The following OSBPL9 variants were observed in gnomAD, a reference collection of about 807,000 sequenced individuals.
OSBPL9 encodes oxysterol-binding protein-related protein 9.
In OSBPL9, 40 loss-of-function variants were observed where a neutral mutation model predicts 106.6. The observed-to-expected ratio is 0.38, with a 90% CI of 0.29 to 0.49. The LOEUF (loss-of-function observed/expected upper bound fraction) is 0.49. Ranked by LOEUF, OSBPL9 falls within the 20% of genes least tolerant of loss-of-function variation. The pLI is 0.97. For synonymous variants in OSBPL9, 269 were observed against 295.4 expected, an observed-to-expected ratio of 0.91 and a Z score of 0.92; for missense variants, 609 against 887.2, an observed-to-expected ratio of 0.69 and a Z score of 3.98.
chr1:51,635,398 G>A (rs559777562), intron 1 of OSBPL9, among the ~76,000 whole-genome samples: 2 of 152,066 alleles, frequency 1.3e-5, no homozygotes, highest in Non-Finnish European at 2.9e-5. Flanking sequence ...TTTGCACCTC[G>A]CTGTTACTCC....
At chr1:51,555,478 G>C in the OSBPL9 span, among the ~76,000 whole-genome samples, 2 of 151,798 alleles carry the variant, frequency 1.3e-5, no homozygotes, top group African/African-American at 4.8e-5. Flanking sequence ...CAACAAAAAA[G>C]GTTCTCTCCT....
intron 9 of OSBPL9, among the ~76,000 whole-genome samples, chr1:51,757,559 C>CA (rs1670605392): frequency 6.6e-6 from 1 of 151,542 alleles, no homozygotes; most frequent in Non-Finnish European, 1.5e-5. Context: ...TAAAACATAC[C>CA]AAAAACACTT....
At chr1:51,697,825 G>A (rs1348035715) in intron 3 of OSBPL9, among the ~76,000 whole-genome samples, 1 of 149,336 alleles carries the variant, frequency 6.7e-6, no homozygotes, top group Non-Finnish European at 1.5e-5. Context: ...GTTTTCCTCT[G>A]TGCACCTTAT....
chr1:51,527,333 A>G, the OSBPL9 span, among the ~76,000 whole-genome samples: 62,745 of 114,066 alleles, frequency 0.55, 13,814 homozygotes, highest in Middle Eastern at 0.67. Flanking sequence ...GATGATGGTG[A>G]TGATGATGAT....
chr1:51,681,048 ATCC>A (rs1220392566), intron 3 of OSBPL9, among the ~76,000 whole-genome samples: 3 of 152,112 alleles, frequency 2.0e-5, no homozygotes, highest in African/African-American at 4.8e-5. Context: ...CTTTTTTTAT[ATCC>A]TCCTTTTTTG....
intron 9 of OSBPL9, chr1:51,759,890 CT>C (rs1445840676): frequency 6.6e-6 from 1 of 152,144 alleles, no homozygotes; most frequent in African/African-American, 2.4e-5. Flanking sequence ...ATCTCTTTCT[CT>C]TTAGTGACCA....
intron 2 of OSBPL9, among the ~76,000 whole-genome samples, chr1:51,605,089 A>G (rs1167554180): frequency 6.6e-6 from 1 of 152,198 alleles, no homozygotes; most frequent in African/African-American, 2.4e-5. Context: ...ATATTTTACT[A>G]TCTGACATTT....
intron 3 of OSBPL9, among the ~76,000 whole-genome samples, chr1:51,699,330 C>T (rs552578416): frequency 1.3e-5 from 2 of 152,112 alleles, no homozygotes; most frequent in African/African-American, 4.8e-5. Flanking sequence ...CAGTGCCCCT[C>T]TCCTTCTCCA....
At chr1:51,557,499 G>C in the OSBPL9 span, among the ~76,000 whole-genome samples, 3 of 152,162 alleles carry the variant, frequency 2.0e-5, no homozygotes, top group South Asian at 4.2e-4. Flanking sequence ...TAAACTCATG[G>C]GCTATGAGAG....
intron 12 of OSBPL9, among the ~76,000 whole-genome samples, chr1:51,769,204 G>C (rs1003372897): frequency 6.6e-5 from 8 of 121,622 alleles, no homozygotes; most frequent in Non-Finnish European, 1.3e-4. Context: ...TTTTCTAACT[G>C]AGGTCAAATT....
chr1:51,724,622 A>G (rs1238366004), intron 4 of OSBPL9, among the ~76,000 whole-genome samples: 1 of 152,138 alleles, frequency 6.6e-6, no homozygotes, highest in Non-Finnish European at 1.5e-5. Context: ...GAGATGTCAG[A>G]TGTAATTTTT....
upstream of OSBPL9, among the ~76,000 whole-genome samples, chr1:51,613,778 C>G (rs1293313329): frequency 6.6e-6 from 1 of 151,106 alleles, no homozygotes; most frequent in African/African-American, 2.4e-5. Flanking sequence ...GATCTGTTGC[C>G]TTGCCTAGGC....
At chr1:51,653,184 C>T (rs1646624398) in intron 2 of OSBPL9, among the ~76,000 whole-genome samples, 1 of 151,502 alleles carries the variant, frequency 6.6e-6, no homozygotes, top group African/African-American at 2.4e-5. Context: ...AAAAATTCAA[C>T]TTCTAGTTTT....
chr1:51,780,300 A>G (rs1676067823), intron 15 of OSBPL9, among the ~76,000 whole-genome samples: 2 of 152,126 alleles, frequency 1.3e-5, no homozygotes, highest in South Asian at 4.1e-4. Context: ...ACTATGGAAA[A>G]CAGAATAGAG....
chr1:51,683,166 T>C (rs371882312), intron 3 of OSBPL9, among the ~76,000 whole-genome samples: 38 of 152,020 alleles, frequency 2.5e-4, no homozygotes, highest in African/African-American at 8.9e-4. Context: ...TGAACCACCA[T>C]GCCCAGTTGA....
chr1:51,618,726 C>G (rs1018921531), intron 1 of OSBPL9, among the ~76,000 whole-genome samples: 3 of 152,318 alleles, frequency 2.0e-5, no homozygotes, highest in Admixed American at 6.5e-5. Flanking sequence ...CTCCTAATAA[C>G]TCTGCAAGGT....
At chr1:51,720,121 A>G (rs998038132) in intron 4 of OSBPL9, among the ~76,000 whole-genome samples, 1 of 152,216 alleles carries the variant, frequency 6.6e-6, no homozygotes, top group Admixed American at 6.5e-5. Flanking sequence ...CAGTTTGATT[A>G]TAAGTACAAA....
intron 3 of OSBPL9, among the ~76,000 whole-genome samples, chr1:51,701,642 G>T (rs60523162): frequency 0.035 from 4,929 of 140,182 alleles, 152 homozygotes; most frequent in Middle Eastern, 0.1. Context: ...CAAAATACTG[G>T]TTTTTTTTGT....
At chr1:51,547,208 T>C in the OSBPL9 span, among the ~76,000 whole-genome samples, 3 of 152,232 alleles carry the variant, frequency 2.0e-5, no homozygotes. Context: ...ATATTTATTG[T>C]GTGCTATTTA....
Sources: gnomAD v4.1 joint callset for allele counts (sites outside exome capture counted in the v4.1 genomes callset) on GRCh38, gnomAD v4.1.1 for gene constraint, MANE v1.5 for transcripts, NCBI Gene and HGNC (gene_info 2026-07-23, HGNC 2026-07-21) for gene names.